RNF166: variants seen among roughly 807,000 people sequenced by gnomAD.
RNF166 encodes the protein ring finger protein 166, also known as E3 ubiquitin-protein ligase RNF166.
A neutral mutation model predicts 29.4 loss-of-function variants in RNF166; 19 were observed. The ratio of observed to expected loss-of-function variants is 0.65; its 90% confidence interval spans 0.45 to 0.95. RNF166 has a LOEUF of 0.95. RNF166 is among the 40% of genes least tolerant of loss of function. RNF166 has a pLI of 0.00. For synonymous variants in RNF166, 171 were observed against 134.5 expected (o/e 1.27, Z -1.88); for missense variants, 347 against 322.1 (o/e 1.08, Z -0.59).
chr16:88,699,599 C>T (rs1909999570), intron 3 of RNF166, 21 bp downstream of exon 3: 2 of 1,588,124 alleles, frequency 1.3e-6, no homozygotes, highest in Non-Finnish European at 1.7e-6. Context: ...GTTCCTCTCC[C>T]TTGCCCGGCA....
intron 1 of RNF166, among the ~76,000 whole-genome samples, chr16:88,704,685 A>G (rs892382247): frequency 6.6e-6 from 1 of 152,184 alleles, no homozygotes; most frequent in Non-Finnish European, 1.5e-5. Context: ...AACACCCGCT[A>G]CCTGCTCACA....
chr16:88,704,802 C>T (rs1196498542), intron 1 of RNF166, among the ~76,000 whole-genome samples: 6 of 152,188 alleles, frequency 3.9e-5, no homozygotes, highest in Admixed American at 1.3e-4. Context: ...CCAGCCTGGC[C>T]AACATGGTGA....
chr16:88,701,177 C>A, intron 2 of RNF166, 85 bp downstream of exon 2: 1 of 1,536,256 alleles, frequency 6.5e-7, no homozygotes, highest in Admixed American at 1.7e-5. Flanking sequence ...AGAGAGGGCC[C>A]CGGCCCCCAC....
At chr16:88,703,476 CAA>C in intron 1 of RNF166, 1 of 985,476 alleles carries the variant, frequency 1.0e-6, no homozygotes, top group African/African-American at 1.7e-5. Flanking sequence ...AGGAAAGACA[CAA>C]GAGGGAACCC....
rs1910505492 is a variant in RNF166, at chr16:88,703,795, GTC to G, written c.155+2374_155+2375del. On this transcript the variant is annotated intron_variant, in intron 1 of 5. Transcript: ENST00000312838. ...AGCAGGCACCCGGGACTGCCAATGT[GTC>G]TCCCACACTGGCCGCTGCACAAGCT... 10 of 985,486 alleles carry G rather than the reference GTC, an allele frequency of 1.0e-5. No individual in the cohort carries two copies. In the African/African-American group the frequency reaches 1.4e-4, roughly 14 times the overall value. 61.0% of individuals were successfully genotyped at this position (985,486 alleles called of 1,614,324 possible).
In RNF166 at chr16:88,703,782, G is replaced by C. The variant is rs1910503848; in HGVS notation, c.156-2364C>G. The C allele has an allele frequency of 3.0e-5, 30 of 985,340 alleles. 1 individual carries two copies. In the South Asian group the frequency reaches 1.4e-3, roughly 45 times the overall value. 61.0% of individuals were successfully genotyped at this position (985,340 alleles called of 1,614,324 possible). A position where few individuals can be genotyped will look rare whatever the true frequency, so the allele number is the denominator to read the frequency against. On this transcript the variant is annotated intron_variant, in intron 1 of 5. Coordinates refer to ENST00000312838, the MANE Select transcript of RNF166 (RefSeq NM_178841.4). ...CACTGGCCCTCCCAGCAGGCACCCG[G>C]GACTGCCAATGTGTCTCCCACACTG...
rs757855827 is a variant in RNF166, at chr16:88,706,203, G to A, written c.123C>T (p.His41=). ...CGCAGCTGCCGATGGCCACGGGCCG[G>A]TGATAGACCTCCAGGCAGATGGGGC... ...YTCPICLEVY[H]RPVAIGSCGH... is the part of the protein sequence containing the mutation. Residue 41 remains histidine (H), a synonymous_variant, in exon 1 of 6, where the codon CAC becomes CAT. Transcript: ENST00000312838. The A allele has an allele frequency of 5.6e-5, 74 of 1,311,974 alleles. 1 individual carries two copies. The South Asian group carries it at 9.1e-4, about 16-fold the overall frequency. The allele number at this position is 1,311,974 out of a possible 1,614,324, so 81.3% of individuals were successfully genotyped here. A position where few individuals can be genotyped will look rare whatever the true frequency, so the allele number is the denominator to read the frequency against.
intron 5 of RNF166, chr16:88,698,157 T>A (rs1476264252): frequency 3.3e-6 from 2 of 600,574 alleles, no homozygotes; most frequent in African/African-American, 3.7e-5. Context: ...GGCTGGAGTG[T>A]TCGATGTTGA....
chr16:88,702,527 G>A (rs537251071), intron 1 of RNF166, among the ~76,000 whole-genome samples: 1 of 152,302 alleles, frequency 6.6e-6, no homozygotes, highest in African/African-American at 2.4e-5. Context: ...CATCCCTCAA[G>A]AAAAGGCCCT....
intron 2 of RNF166, chr16:88,700,930 G>A: frequency 1.7e-6 from 2 of 1,168,816 alleles, no homozygotes; most frequent in South Asian, 3.9e-5. Context: ...GTATCGGCTG[G>A]CAGGGGAAGG....
At chr16:88,701,503 A>C in intron 1 of RNF166, 85 bp from the exon 2 acceptor site, 2 of 1,322,272 alleles carry the variant, frequency 1.5e-6, no homozygotes, top group Non-Finnish European at 2.0e-6. Flanking sequence ...CTTAGGACCC[A>C]GCATTTGTGG....
Position 88,701,422 on chromosome 16 carries a change from C to T in RNF166, c.156-4G>A, listed in dbSNP as rs1329079016. 3.8e-6 allele frequency: 6 copies of T among 1,577,328 alleles called. No individual in the cohort carries two copies. The highest frequency in any genetic ancestry group is 2.2e-5 in the East Asian group (1 of 44,524). Reference sequence around the variant, plus strand: ...CTGGAGACACTCCCCGCAGAACCTGCAGGGCACAGGGGCCTGAGTGCCAGC... The same window carrying T: ...CTGGAGACACTCCCCGCAGAACCTGTAGGGCACAGGGGCCTGAGTGCCAGC... On this transcript the variant is annotated splice_region_variant and splice_polypyrimidine_tract_variant and intron_variant, in intron 1 of 5. Coordinates refer to ENST00000312838, the MANE Select transcript of RNF166 (RefSeq NM_178841.4).
chr16:88,699,753 G>A (rs1378649985), intron 2 of RNF166, 21 bp from the exon 3 acceptor site: 1 of 1,592,186 alleles, frequency 6.3e-7, no homozygotes, highest in Non-Finnish European at 8.6e-7. Context: ...GGGCAGGGAG[G>A]GCAAGGCGGT....
intron 1 of RNF166, among the ~76,000 whole-genome samples, chr16:88,701,997 T>G (rs1240135494): frequency 1.3e-5 from 2 of 152,186 alleles, no homozygotes; most frequent in Non-Finnish European, 2.9e-5. Flanking sequence ...GAGGGGGTCC[T>G]GCTCCATCTG....
At chr16:88,700,592 G>A (rs1463249582) in intron 2 of RNF166, 5 of 985,314 alleles carry the variant, frequency 5.1e-6, no homozygotes, top group Middle Eastern at 5.2e-4. Context: ...ATGTGGCAAC[G>A]TCGGGAAACG....
intron 1 of RNF166, chr16:88,704,392 C>T: frequency 2.0e-6 from 2 of 985,412 alleles, no homozygotes; most frequent in South Asian, 9.4e-5. Context: ...GGTCGTCATT[C>T]TACCAAGAAA....
chr16:88,703,468 G>A (rs993627473), intron 1 of RNF166: 7 of 985,394 alleles, frequency 7.1e-6, no homozygotes, highest in Non-Finnish European at 8.4e-6. Context: ...AAGGACTCAG[G>A]AAAGACACAA....
rs149710676 is a variant in RNF166, at chr16:88,704,538, G to A, written c.155+1633C>T. ...GCAAAGACCAATTTGTGCAGGTTAG[G>A]AAAGTGGAGATGCTGTGGCCGACCA... On this transcript the variant is annotated intron_variant, in intron 1 of 5. Coordinates refer to ENST00000312838, the MANE Select transcript of RNF166 (RefSeq NM_178841.4). The A allele has an allele frequency of 4.0e-4, 394 of 985,460 alleles. 1 individual carries two copies. The Middle Eastern group carries it at 5.7e-3, about 14-fold the overall frequency. The allele number at this position is 985,460 out of a possible 1,614,324, so 61.0% of individuals were successfully genotyped here. A position where few individuals can be genotyped will look rare whatever the true frequency, so the allele number is the denominator to read the frequency against.
Position 88,698,527 on chromosome 16 carries a change from T to C in RNF166, c.623A>G (p.His208Arg). Residue 208 changes from histidine (H) to arginine (R), a missense_variant, in exon 5 of 6, where the codon CAC (histidine) becomes CGC (arginine). Physicochemically the swap from His to Arg is conservative, Grantham distance 29. Transcript: ENST00000312838. The stretch of plus-strand genomic sequence containing the variant: ...CACAAAGGTGTCGTAGGAGAACTTG[T>C]GTCGGTGAAGCAGGTGCTGCAGGAA... ...ANFLQHLLHR[H>R]KFSYDTFVDY... The C allele has an allele frequency of 6.4e-7, 1 of 1,573,428 alleles. No homozygotes were observed. The highest frequency in any genetic ancestry group is 8.6e-7 in the Non-Finnish European group (1 of 1,159,112).
Sources: gnomAD v4.1 joint callset for allele counts (sites outside exome capture counted in the v4.1 genomes callset) on GRCh38, gnomAD v4.1.1 for gene constraint, MANE v1.5 for transcripts, NCBI Gene and HGNC (gene_info 2026-07-23, HGNC 2026-07-21) for gene names.